ARHGAP30: variants seen among roughly 807,000 people sequenced by gnomAD.
The protein encoded by ARHGAP30 is Rho GTPase activating protein 30, also known as rho GTPase-activating protein 30.
Under a neutral mutation model 72.0 loss-of-function variants are expected in ARHGAP30, and 23 were observed. The observed-to-expected ratio is 0.32, with a 90% CI of 0.23 to 0.45. ARHGAP30 has a LOEUF of 0.45. ARHGAP30 is among the 20% of genes least tolerant of loss of function. The probability of loss-of-function intolerance (pLI) is 1.00; values close to 1 mark genes in which losing one functional copy is unlikely to be tolerated. For synonymous variants in ARHGAP30, 576 were observed against 528.2 expected, an observed-to-expected ratio of 1.09 and a Z score of -1.24; for missense variants, 1,319 against 1,383.4, an observed-to-expected ratio of 0.95 and a Z score of 0.74.
chr1:161,055,011 C>G (rs1350033752), intron 3 of ARHGAP30, among the ~76,000 whole-genome samples: 2 of 152,174 alleles, frequency 1.3e-5, no homozygotes, highest in Non-Finnish European at 2.9e-5. Flanking sequence ...GTGGGTGCCC[C>G]AGGGACCACA....
chr1:161,052,556 G>T lies in ARHGAP30; in HGVS notation c.837-13C>A, dbSNP rs1294300132. Reference sequence around the variant, plus strand: ...AGACCCCTTCCTCCTACAAAGAATGGAGGGGCATAATTGGAGGTTGGAACA... The same window carrying T: ...AGACCCCTTCCTCCTACAAAGAATGTAGGGGCATAATTGGAGGTTGGAACA... On this transcript the variant is annotated splice_polypyrimidine_tract_variant and intron_variant, in intron 7 of 11. Coordinates refer to ENST00000368013, the MANE Select transcript of ARHGAP30 (RefSeq NM_001025598.2). 6.2e-7 allele frequency: 1 copy of T among 1,614,042 alleles called. No homozygotes were observed. The highest frequency in any genetic ancestry group is 1.7e-5 in the Admixed American group (1 of 60,028).
At chr1:161,057,378 A>C (rs1298654022) in intron 2 of ARHGAP30, among the ~76,000 whole-genome samples, 1 of 152,210 alleles carries the variant, frequency 6.6e-6, no homozygotes, top group East Asian at 1.9e-4. Flanking sequence ...GGGGGAAAAA[A>C]TGGGCAAAGG....
chr1:161,057,346 G>A (rs867974826), intron 2 of ARHGAP30, among the ~76,000 whole-genome samples: 1 of 152,024 alleles, frequency 6.6e-6, no homozygotes, highest in African/African-American at 2.4e-5. Flanking sequence ...TTTTAAACAG[G>A]CAAAGTCAGC....
At chr1:161,064,389 A>C (rs1320182631) in intron 1 of ARHGAP30, among the ~76,000 whole-genome samples, 1 of 152,228 alleles carries the variant, frequency 6.6e-6, no homozygotes, top group Non-Finnish European at 1.5e-5. Flanking sequence ...GATTTAACAG[A>C]GAATATTGCC....
At chr1:161,049,990 AT>A (rs1651232409) in intron 10 of ARHGAP30, among the ~76,000 whole-genome samples, 1 of 152,158 alleles carries the variant, frequency 6.6e-6, no homozygotes, top group South Asian at 2.1e-4. Context: ...AGATTAAGCA[AT>A]TTGTCTAAGG....
chr1:161,056,458 G>A lies in ARHGAP30; in HGVS notation c.275C>T (p.Ser92Phe). Residue 92 changes from serine to phenylalanine, a missense_variant, in exon 3 of 12, where the codon TCC (serine) becomes TTC (phenylalanine). This residue lies in a region of ARHGAP30 where 222 missense variants were observed against 338.2 expected (regional missense o/e 0.66). Transcript: ENST00000368013. Reference sequence around the variant, plus strand: ...TTCTCTGAAATAGGCCTTGCACAGGGAGGAGACGCAGTGAATGTCTTGGAG... The same window carrying A: ...TTCTCTGAAATAGGCCTTGCACAGGAAGGAGACGCAGTGAATGTCTTGGAG... ...VYLQDIHCVS[S>F]LCKAYFRELP... 1.2e-6 allele frequency: 2 copies of A among 1,614,048 alleles called. No individual in the cohort carries two copies. The highest frequency in any genetic ancestry group is 1.7e-6 in the Non-Finnish European group (2 of 1,179,994).
chr1:161,051,183 G>A, intron 10 of ARHGAP30, 131 bp downstream of exon 10: 1 of 1,433,890 alleles, frequency 7.0e-7, no homozygotes, highest in African/African-American at 1.4e-5. Context: ...TAGGGAGGCA[G>A]CTAAAGGTAA....
chr1:161,063,928 G>T (rs1394934421), intron 1 of ARHGAP30, among the ~76,000 whole-genome samples: 1 of 152,212 alleles, frequency 6.6e-6, no homozygotes, highest in African/African-American at 2.4e-5. Flanking sequence ...ATTTTGGTCA[G>T]ACCGGTTGAT....
chr1:161,053,462 T>TTCTCTCTCTCTCTC lies in ARHGAP30; in HGVS notation c.537-91_537-78dup, dbSNP rs57196073. On this transcript the variant is annotated intron_variant, in intron 5 of 11. Transcript: ENST00000368013. ...CCAGATTCTCCCTGAAAATACCTTA[T>TTCTCTCTCTCTCTC]TCTCTCTCTCTCTCTCTCTCTCTCT... is the stretch of plus-strand genomic sequence containing the variant. 3.8e-3 allele frequency: 2,624 copies of TTCTCTCTCTCTCTC among 691,626 alleles called. 52 individuals carry two copies. The highest frequency in any genetic ancestry group is 3.8e-3 in the Non-Finnish European group (1,762 of 461,122). 42.8% of individuals were successfully genotyped at this position (691,626 alleles called of 1,614,324 possible). A position where few individuals can be genotyped will look rare whatever the true frequency, so the allele number is the denominator to read the frequency against.
chr1:161,060,172 T>G, intron 1 of ARHGAP30: 3 of 441,778 alleles, frequency 6.8e-6, no homozygotes, highest in South Asian at 1.6e-5. Context: ...TTTCAGCTAC[T>G]CAGGAGGCTG....
Position 161,054,608 on chromosome 1 carries a change from T to C in ARHGAP30, c.428+15A>G. On this transcript the variant is annotated intron_variant, in intron 4 of 11. Coordinates refer to ENST00000368013, the MANE Select transcript of ARHGAP30 (RefSeq NM_001025598.2). ...GTTGTCTCAGGTTGCTGGGCAGATATGGAGTGTCACATACCTGTAGTTTGG... is the reference window on the plus strand; with the variant it reads ...GTTGTCTCAGGTTGCTGGGCAGATACGGAGTGTCACATACCTGTAGTTTGG... The C allele has an allele frequency of 1.9e-6, 3 of 1,613,556 alleles. No individual in the cohort carries two copies. The highest frequency in any genetic ancestry group is 1.1e-5 in the South Asian group (1 of 91,072).
intron 1 of ARHGAP30, among the ~76,000 whole-genome samples, chr1:161,061,695 C>G (rs937017066): frequency 6.6e-6 from 1 of 152,216 alleles, no homozygotes; most frequent in African/African-American, 2.4e-5. Flanking sequence ...CCTAGGCCCC[C>G]TCCTGTTACT....
At chr1:161,057,476 A>G (rs1651963341) in intron 2 of ARHGAP30, among the ~76,000 whole-genome samples, 1 of 152,236 alleles carries the variant, frequency 6.6e-6, no homozygotes, top group Admixed American at 6.5e-5. Flanking sequence ...TACCTATTAC[A>G]GAAATGCAAA....
At position 161,048,648 on chromosome 1, in the gene ARHGAP30, A is replaced by T; in HGVS notation, c.2373T>A (p.Ala791=). 1 of 1,613,678 alleles carries T rather than the reference A, an allele frequency of 6.2e-7. No homozygotes were observed. Residue 791 remains alanine, a synonymous_variant, in exon 12 of 12, where the codon GCT becomes GCA. Coordinates refer to ENST00000368013, the MANE Select transcript of ARHGAP30 (RefSeq NM_001025598.2). ...TGTCCTCATCCTCTCTGACTCCCTC[A>T]GCCTCTTGTTTCTGTACAACTTCCC... ...EKWEVVQKQE[A]EGVREDEDKG...
chr1:161,067,067 C>T (rs1428223952), intron 1 of ARHGAP30, among the ~76,000 whole-genome samples: 1 of 152,122 alleles, frequency 6.6e-6, no homozygotes. Flanking sequence ...TAAGGAGTCA[C>T]AGCCATAGAA....
At position 161,046,959 on chromosome 1, in the gene ARHGAP30, C is replaced by T. The variant is rs1317356830; in HGVS notation, c.*756G>A. On this transcript the variant is annotated 3_prime_UTR_variant, in exon 12 of 12. Transcript: ENST00000368013. The stretch of plus-strand genomic sequence containing the variant: ...CTCCACACTATGTGTAAAAATACAG[C>T]TTTTATTCTGAGACATTGACCTTCA... The T allele has an allele frequency of 4.3e-6, 2 of 465,896 alleles. No homozygotes were observed. The highest frequency in any genetic ancestry group is 8.9e-6 in the Non-Finnish European group (2 of 225,102). 28.9% of individuals were successfully genotyped at this position (465,896 alleles called of 1,614,324 possible).
At chr1:161,060,342 T>C in intron 1 of ARHGAP30, 1 of 335,524 alleles carries the variant, frequency 3.0e-6, no homozygotes, top group Non-Finnish European at 6.1e-6. Context: ...ATGCCTGTAA[T>C]CCCAACACTT....
intron 3 of ARHGAP30, 40 bp downstream of exon 3, chr1:161,056,348 C>T: frequency 1.2e-6 from 2 of 1,604,472 alleles, no homozygotes; most frequent in Non-Finnish European, 8.5e-7. Flanking sequence ...GGCTGTCCAC[C>T]CCTGAGCCCT....
At chr1:161,065,913 T>TTATC (rs1652730753) in intron 1 of ARHGAP30, among the ~76,000 whole-genome samples, 1 of 143,742 alleles carries the variant, frequency 7.0e-6, no homozygotes, top group African/African-American at 2.8e-5. Context: ...ATTTATTTAT[T>TTATC]TGAGACAGAG....
Sources: allele counts gnomAD v4.1 joint callset (sites outside exome capture counted in the v4.1 genomes callset), GRCh38; gene constraint gnomAD v4.1.1; regional missense constraint gnomAD v4.1.1; transcripts MANE v1.5; gene names NCBI Gene and HGNC (gene_info 2026-07-23, HGNC 2026-07-21).